Variants in DNAI7 observed in about 807,000 individuals in gnomAD.
DNAI7 encodes the protein dynein axonemal intermediate chain 7, also known as cancer susceptibility 1.
Under a neutral mutation model 86.6 loss-of-function variants are expected in DNAI7, and 78 were observed. That is an observed-to-expected ratio of 0.90 (90% confidence interval 0.75 to 1.09). The LOEUF (loss-of-function observed/expected upper bound fraction) is 1.09. Among genes scored for constraint, DNAI7 ranks in the 50% least tolerant of loss-of-function variants. The pLI is 0.00. For synonymous variants in DNAI7, 274 were observed against 273.0 expected (o/e 1.00, Z -0.04); for missense variants, 753 against 810.2 (o/e 0.93, Z 0.86).
Position 25,144,609 on chromosome 12 carries a change from T to C in DNAI7, c.758A>G (p.Asp253Gly). The change falls in exon 9 of 16, where the codon GAC (aspartate) becomes GGC (glycine). Residue 253 changes from aspartate to glycine, a missense_variant. Coordinates refer to ENST00000395987, the MANE Select transcript of DNAI7 (RefSeq NM_018272.5). ...GGTATGCAGGAGTCGTACAGCAATG[T>C]CACTTGTTGCTAATATCCTTGGAAT... ...FEIPRILATS[D>G]IAVRLLHTHY... is the part of the protein sequence containing the mutation. 2 of 1,614,030 alleles carry C rather than the reference T, an allele frequency of 1.2e-6. No individual in the cohort carries two copies. The highest frequency in any genetic ancestry group is 2.7e-5 in the African/African-American group (2 of 75,064).
intron 12 of DNAI7, among the ~76,000 whole-genome samples, chr12:25,117,829 T>C (rs1940433725): frequency 1.3e-5 from 2 of 152,300 alleles, no homozygotes; most frequent in Non-Finnish European, 2.9e-5. Context: ...ACGATTAACA[T>C]TAAAGTAATC....
intron 2 of DNAI7, among the ~76,000 whole-genome samples, chr12:25,173,850 A>ACCACATCAT (rs1948420326): frequency 1.4e-5 from 2 of 140,128 alleles, no homozygotes; most frequent in South Asian, 2.3e-4. Context: ...ATATATATAC[A>ACCACATCAT]TCATATGTAT....
At chr12:25,174,553 T>C (rs199929748) in intron 2 of DNAI7, among the ~76,000 whole-genome samples, 2,530 of 41,658 alleles carry the variant, frequency 0.061, 686 homozygotes, top group Non-Finnish European at 0.067. Context: ...ATATATATGA[T>C]ATATATATCA....
rs367736226 is a variant in DNAI7, at chr12:25,179,649, T to C, written c.21+10965A>G. On this transcript the variant is annotated intron_variant, in intron 2 of 15. Coordinates refer to ENST00000395987, the MANE Select transcript of DNAI7 (RefSeq NM_018272.5). ...AACATACACAAATCAATAAATGTGA[T>C]TTACCACATAAGCAGAATTAAAAAC... Among the ~76,000 whole-genome samples, 109 of 152,144 alleles carry C rather than the reference T, an allele frequency of 7.2e-4. 2 individuals carry two copies. In the South Asian group the frequency reaches 0.022, roughly 31 times the overall value.
intron 12 of DNAI7, among the ~76,000 whole-genome samples, chr12:25,115,445 G>A (rs1472404346): frequency 6.6e-6 from 1 of 152,092 alleles, no homozygotes; most frequent in Non-Finnish European, 1.5e-5. Flanking sequence ...AACGATTAAT[G>A]TACTTCCTGT....
In DNAI7 at chr12:25,144,364, C is replaced by T. The variant is rs1291372384; in HGVS notation, c.1002+1G>A. ...AATGTGTATATTTAAATGTGTCCTA[C>T]CATTTTCACTTCAATATCACCTTGT... On this transcript the variant is annotated splice_donor_variant, in intron 9 of 15. Transcript: ENST00000395987. LOFTEE classifies it high-confidence loss of function. 6.2e-7 allele frequency: 1 copy of T among 1,607,698 alleles called. No homozygotes were observed. The highest frequency in any genetic ancestry group is 8.5e-7 in the Non-Finnish European group (1 of 1,175,164).
intron 4 of DNAI7, among the ~76,000 whole-genome samples, chr12:25,156,236 C>T (rs182212805): frequency 3.0e-4 from 45 of 152,274 alleles, no homozygotes; most frequent in Admixed American, 7.2e-4. Flanking sequence ...AGCTCTTCTG[C>T]TGCATATCGA....
chr12:25,109,702 G>T (rs752797522), intron 15 of DNAI7, among the ~76,000 whole-genome samples: 1 of 151,716 alleles, frequency 6.6e-6, no homozygotes, highest in Non-Finnish European at 1.5e-5. Flanking sequence ...TTTTGAGATG[G>T]AATTTTGCTC....
At position 25,143,425 on chromosome 12, in the gene DNAI7, T is replaced by A. The variant is rs965286731; in HGVS notation, c.1002+940A>T. Among the ~76,000 whole-genome samples, 3 of 151,394 alleles carry A rather than the reference T, an allele frequency of 2.0e-5. No homozygotes were observed. The South Asian group carries it at 6.2e-4, about 32-fold the overall frequency. On this transcript the variant is annotated intron_variant, in intron 9 of 15. Transcript: ENST00000395987. The stretch of plus-strand genomic sequence containing the variant: ...CACCACGCCCGGCTAATTTTCTGTA[T>A]TTTTAGCAGAGACAGGGTTTCACCA...
At chr12:25,182,939 AAGGAAGGGAGGAAGGG>A (rs142570982) in intron 2 of DNAI7, among the ~76,000 whole-genome samples, 45 of 149,484 alleles carry the variant, frequency 3.0e-4, no homozygotes, top group Non-Finnish European at 4.7e-4. Flanking sequence ...AAAGGAATGA[AAGGAAGGGAGGAAGGG>A]AGGAAGGGAG....
chr12:25,151,137 A>T (rs1945491189), intron 6 of DNAI7, among the ~76,000 whole-genome samples: 1 of 152,162 alleles, frequency 6.6e-6, no homozygotes, highest in Non-Finnish European at 1.5e-5. Context: ...GGTAGTATGG[A>T]CTCAAACAAG....
rs201614649 is a variant in DNAI7 at position 25,195,070 on chromosome 12, G to C, written c.3+6C>G. On this transcript the variant is annotated splice_donor_region_variant and intron_variant, in intron 1 of 15. Transcript: ENST00000395987. Reference sequence around the variant, plus strand: ...TCCACCTGTCTGCCTCATTTGCCTTGCTCACCATTAAGAGTCAAGCTCCAC... The same window carrying C: ...TCCACCTGTCTGCCTCATTTGCCTTCCTCACCATTAAGAGTCAAGCTCCAC... The C allele has an allele frequency of 1.1e-4, 180 of 1,614,200 alleles. No homozygotes were observed. In the African/African-American group the frequency reaches 2.1e-3, roughly 19 times the overall value.
chr12:25,108,750 GCT>G lies in DNAI7; in HGVS notation c.1965_1966del (p.Arg655SerfsTer11), dbSNP rs1565605103. ...CTCTTCCTTGATCTTCAGTCTTTGT[GCT>G]CTGTCACCACTAAACATTAAAAGGG... On this transcript the variant is annotated frameshift_variant, in exon 16 of 16. Coordinates refer to ENST00000395987, the MANE Select transcript of DNAI7 (RefSeq NM_018272.5). LOFTEE classifies it low-confidence loss of function (END_TRUNC). 1.4e-6 allele frequency: 2 copies of G among 1,455,188 alleles called. No individual in the cohort carries two copies. Among genetic ancestry groups the G allele is most frequent in the South Asian group, 2.2e-5 (2 of 88,898 alleles). 90.1% of individuals were successfully genotyped at this position (1,455,188 alleles called of 1,614,324 possible). A position where few individuals can be genotyped will look rare whatever the true frequency, so the allele number is the denominator to read the frequency against.
Position 25,114,762 on chromosome 12 carries a change from G to A in DNAI7, c.1505C>T (p.Ala502Val). 1.2e-6 allele frequency: 2 copies of A among 1,613,710 alleles called. No homozygotes were observed. Among genetic ancestry groups the A allele is most frequent in the Non-Finnish European group, 1.7e-6 (2 of 1,179,672 alleles). The change falls in exon 13 of 16, where the codon GCT becomes GTT. Residue 502 changes from alanine to valine, a missense_variant. By Grantham distance (64) the Ala-to-Val change is moderately conservative. Transcript: ENST00000395987. The stretch of plus-strand genomic sequence containing the variant: ...TGACTGGTACGGCATGTTAATATGA[G>A]CATCTTGAATCAAGGTAACAGGGCC... The part of the protein sequence containing the change: ...TFGPVTLIQD[A>V]HINMPYQSWE...
At chr12:25,188,189 A>T (rs11611468) in intron 2 of DNAI7, among the ~76,000 whole-genome samples, 1 of 151,998 alleles carries the variant, frequency 6.6e-6, no homozygotes, top group Non-Finnish European at 1.5e-5. Context: ...CAGTAATGTT[A>T]AAATGTAAAA....
At chr12:25,133,862 A>G (rs1454933623) in intron 9 of DNAI7, among the ~76,000 whole-genome samples, 1 of 152,204 alleles carries the variant, frequency 6.6e-6, no homozygotes, top group Non-Finnish European at 1.5e-5. Flanking sequence ...TGTATCTACC[A>G]TTCACACAAT....
chr12:25,163,571 C>G (rs1947085948), intron 2 of DNAI7, among the ~76,000 whole-genome samples: 1 of 152,164 alleles, frequency 6.6e-6, no homozygotes, highest in Admixed American at 6.5e-5. Context: ...GATTAAAGAG[C>G]TTTATTGCTC....
At chr12:25,154,703 A>C (rs922690954) in intron 5 of DNAI7, among the ~76,000 whole-genome samples, 3 of 152,206 alleles carry the variant, frequency 2.0e-5, no homozygotes, top group Non-Finnish European at 2.9e-5. Flanking sequence ...TTTTTAAAGC[A>C]TTATTTATAA....
intron 1 of DNAI7, among the ~76,000 whole-genome samples, chr12:25,193,016 G>C (rs983145951): frequency 2.6e-5 from 4 of 151,616 alleles, no homozygotes. Context: ...GTGGTGGCAC[G>C]TGCCTTGTAC....
Sources: allele counts gnomAD v4.1 joint callset (sites outside exome capture counted in the v4.1 genomes callset), GRCh38; gene constraint gnomAD v4.1.1; transcripts MANE v1.5; gene names NCBI Gene and HGNC (gene_info 2026-07-23, HGNC 2026-07-21).